Variants in USP24 observed in about 807,000 individuals in gnomAD.
USP24 encodes ubiquitin specific peptidase 24.
Under a neutral mutation model 361.6 loss-of-function variants are expected in USP24, and 97 were observed. That is an observed-to-expected ratio of 0.27 (90% CI 0.23 to 0.32). The LOEUF (loss-of-function observed/expected upper bound fraction) is 0.32. USP24 is among the 10% of genes least tolerant of loss of function. USP24 has a pLI of 1.00. For synonymous variants in USP24, 1,098 were observed against 1,124.6 expected (o/e 0.98, Z 0.47); for missense variants, 2,353 against 3,165.6 (o/e 0.74, Z 6.16).
intron 5 of USP24, 131 bp downstream of exon 5, chr1:55,171,425 G>A (rs1397450160): frequency 1.7e-6 from 2 of 1,153,312 alleles, no homozygotes; most frequent in Admixed American, 2.9e-5. Flanking sequence ...GCAATTTTAT[G>A]AGCCAGATGG....
chr1:55,078,467 A>G, intron 61 of USP24, 71 bp downstream of exon 61: 1 of 1,240,944 alleles, frequency 8.1e-7, no homozygotes. Flanking sequence ...ACTGCCTTGG[A>G]GCAAAAAGAT....
chr1:55,078,680 A>C, intron 60 of USP24, 29 bp from the exon 61 acceptor site: 2 of 1,556,354 alleles, frequency 1.3e-6, no homozygotes, highest in Non-Finnish European at 1.7e-6. Flanking sequence ...ACAGTCAGCT[A>C]TTCTCATGTC....
chr1:55,183,993 G>T (rs1382706998), intron 1 of USP24, among the ~76,000 whole-genome samples: 2 of 151,974 alleles, frequency 1.3e-5, no homozygotes, highest in Non-Finnish European at 2.9e-5. Context: ...AATAACATTG[G>T]GGGGGAAAAA....
intron 1 of USP24, among the ~76,000 whole-genome samples, chr1:55,211,203 G>C (rs1490208194): frequency 1.3e-5 from 2 of 152,154 alleles, no homozygotes; most frequent in Non-Finnish European, 2.9e-5. Context: ...TTCTGACAGG[G>C]GGGTGGTTAA....
intron 67 of USP24, 146 bp downstream of exon 67, chr1:55,071,668 T>A: frequency 9.5e-7 from 1 of 1,055,532 alleles, no homozygotes; most frequent in Non-Finnish European, 1.4e-6. Context: ...TATGCTGAGC[T>A]GAGATCACTA....
chr1:55,159,765 TC>T, intron 8 of USP24, 80 bp from the exon 9 acceptor site: 1 of 1,295,010 alleles, frequency 7.7e-7, no homozygotes, highest in Non-Finnish European at 1.1e-6. Context: ...CATCTACAAT[TC>T]ACAAAGGAGA....
rs775785422 is a variant in USP24 at position 55,144,220 on chromosome 1, C to T, written c.2363-17G>A. The T allele has an allele frequency of 1.3e-6, 2 of 1,521,460 alleles. No individual in the cohort carries two copies. Among genetic ancestry groups the T allele is most frequent in the Non-Finnish European group, 1.8e-6 (2 of 1,113,878 alleles). The allele number at this position is 1,521,460 out of a possible 1,614,324, so 94.2% of individuals were successfully genotyped here. Reference sequence around the variant, plus strand: ...AGTTAAAACCTGTAATTATAGAATGCCAAATAAATTCATGTACTCTACGTA... The same window carrying T: ...AGTTAAAACCTGTAATTATAGAATGTCAAATAAATTCATGTACTCTACGTA... On this transcript the variant is annotated splice_polypyrimidine_tract_variant and intron_variant, in intron 20 of 67. Coordinates refer to ENST00000294383, the MANE Select transcript of USP24 (RefSeq NM_015306.3).
intron 1 of USP24, among the ~76,000 whole-genome samples, chr1:55,201,984 T>C (rs184105747): frequency 6.6e-6 from 1 of 152,282 alleles, no homozygotes; most frequent in Non-Finnish European, 1.5e-5. Context: ...CACAGTGCTA[T>C]GGAATAGCCC....
intron 67 of USP24, among the ~76,000 whole-genome samples, chr1:55,070,499 G>A (rs758847689): frequency 7.9e-5 from 12 of 152,230 alleles, no homozygotes; most frequent in Admixed American, 1.3e-4. Context: ...ATGCTGCCGA[G>A]CAGTCGGCTA....
chr1:55,079,154 G>C (rs1003735130), intron 60 of USP24, among the ~76,000 whole-genome samples: 3 of 152,172 alleles, frequency 2.0e-5, no homozygotes, highest in Admixed American at 6.5e-5. Flanking sequence ...ATGGAGAGCT[G>C]AGAGCAGCCC....
chr1:55,158,683 T>C (rs1173028224), intron 10 of USP24, among the ~76,000 whole-genome samples, 195 bp downstream of exon 10: 1 of 152,226 alleles, frequency 6.6e-6, no homozygotes, highest in African/African-American at 2.4e-5. Flanking sequence ...ATATTTCAGA[T>C]GTAAATTTTG....
At chr1:55,078,503 C>T (rs776222163) in intron 61 of USP24, 35 bp downstream of exon 61, 7 of 1,543,626 alleles carry the variant, frequency 4.5e-6, no homozygotes, top group South Asian at 1.2e-5. Context: ...CACTTAAAGG[C>T]TATCTGGCTA....
intron 16 of USP24, chr1:55,151,839 A>T: frequency 1.1e-6 from 1 of 938,166 alleles, no homozygotes; most frequent in Non-Finnish European, 1.3e-6. Context: ...AAGCAGAGGG[A>T]AGGGTAATCA....
At chr1:55,190,869 TTA>T (rs1644268362) in intron 1 of USP24, among the ~76,000 whole-genome samples, 1 of 152,156 alleles carries the variant, frequency 6.6e-6, no homozygotes, top group African/African-American at 2.4e-5. Flanking sequence ...AGAGAGAAGA[TTA>T]CAGATCAAAT....
At chr1:55,108,216 T>A (rs1645845891) in intron 39 of USP24, among the ~76,000 whole-genome samples, 1 of 152,202 alleles carries the variant, frequency 6.6e-6, no homozygotes, top group African/African-American at 2.4e-5. Flanking sequence ...TCCAGGTTTC[T>A]AAACAATGTG....
At chr1:55,167,241 C>A (rs1042788582) in intron 5 of USP24, among the ~76,000 whole-genome samples, 1 of 152,094 alleles carries the variant, frequency 6.6e-6, no homozygotes, top group Non-Finnish European at 1.5e-5. Context: ...TAGGACCTTC[C>A]TCTACTTGGG....
chr1:55,180,807 C>T (rs1049782016), intron 1 of USP24, among the ~76,000 whole-genome samples: 1 of 152,198 alleles, frequency 6.6e-6, no homozygotes, highest in Admixed American at 6.5e-5. Flanking sequence ...GATTTGTTTG[C>T]CCCTCACTAG....
chr1:55,107,865 A>ACAC (rs1553150275), intron 39 of USP24, among the ~76,000 whole-genome samples: 10 of 147,148 alleles, frequency 6.8e-5, no homozygotes, highest in African/African-American at 2.6e-4. Flanking sequence ...AAAAAAAAAA[A>ACAC]ACACACAAAA....
intron 52 of USP24, 40 bp downstream of exon 52, chr1:55,093,897 C>G: frequency 6.2e-7 from 1 of 1,610,668 alleles, no homozygotes; most frequent in Non-Finnish European, 8.5e-7. Flanking sequence ...TTGATGTCCA[C>G]GTGGATATTC....
Sources: allele counts gnomAD v4.1 joint callset (sites outside exome capture counted in the v4.1 genomes callset), GRCh38; gene constraint gnomAD v4.1.1; transcripts MANE v1.5; gene names NCBI Gene and HGNC (gene_info 2026-07-23, HGNC 2026-07-21).